Variants in DRD3 observed in about 807,000 individuals in gnomAD.
DRD3 encodes D(3) dopamine receptor.
In DRD3, 19 loss-of-function variants were observed where a neutral mutation model predicts 36.3. The ratio of observed to expected loss-of-function variants is 0.52; its 90% CI spans 0.36 to 0.77. DRD3 has a LOEUF of 0.77. Ranked by LOEUF, DRD3 falls within the 30% of genes least tolerant of loss-of-function variation. DRD3 has a pLI of 0.00. For synonymous variants in DRD3, 195 were observed against 203.7 expected, an observed-to-expected ratio of 0.96 and a Z score of 0.36; for missense variants, 465 against 505.3, an observed-to-expected ratio of 0.92 and a Z score of 0.77.
intron 6 of DRD3, among the ~76,000 whole-genome samples, chr3:114,130,793 T>G (rs1378933573): frequency 6.6e-6 from 1 of 152,204 alleles, no homozygotes; most frequent in Non-Finnish European, 1.5e-5. Context: ...CACTTAATAT[T>G]TTAAATAACT....
intron 2 of DRD3, 84 bp downstream of exon 2, chr3:114,171,639 T>G: frequency 7.0e-7 from 1 of 1,426,714 alleles, no homozygotes; most frequent in South Asian, 1.6e-5. Flanking sequence ...GTCTGGGGAG[T>G]CTTTTGAGCC....
At chr3:114,156,881 C>T (rs1405487271) in intron 3 of DRD3, among the ~76,000 whole-genome samples, 1 of 69,592 alleles carries the variant, frequency 1.4e-5, no homozygotes, top group South Asian at 4.6e-4. Context: ...TTTTCTTTCT[C>T]TTTCTTTTCT....
chr3:114,178,198 C>G (rs2077919473), intron 1 of DRD3, among the ~76,000 whole-genome samples: 1 of 152,150 alleles, frequency 6.6e-6, no homozygotes, highest in Admixed American at 6.6e-5. Context: ...TGGATTCTGA[C>G]TTAGAAACAG....
intron 1 of DRD3, among the ~76,000 whole-genome samples, chr3:114,189,486 A>C (rs1482723561): frequency 2.0e-5 from 3 of 152,310 alleles, no homozygotes; most frequent in Middle Eastern, 3.4e-3. Context: ...TTCCAGCTCC[A>C]ATTGTCCATG....
chr3:114,176,081 C>T (rs1183822808), intron 1 of DRD3: 1 of 152,178 alleles, frequency 6.6e-6, no homozygotes, highest in African/African-American at 2.4e-5. Flanking sequence ...ATTTGTCCTG[C>T]TTTGCTGATG....
intron 2 of DRD3, among the ~76,000 whole-genome samples, chr3:114,169,377 TGG>T (rs2077817554): frequency 1.3e-5 from 2 of 149,434 alleles, no homozygotes; most frequent in African/African-American, 2.5e-5. Context: ...TGAAGCAAAT[TGG>T]TAAGACCAAA....
chr3:114,177,292 T>C (rs2077909241), intron 1 of DRD3, among the ~76,000 whole-genome samples: 1 of 152,194 alleles, frequency 6.6e-6, no homozygotes, highest in Non-Finnish European at 1.5e-5. Flanking sequence ...CTGAAAAAGA[T>C]TCACAAATGG....
At chr3:114,142,825 C>T (rs2077538254) in intron 4 of DRD3, among the ~76,000 whole-genome samples, 1 of 152,230 alleles carries the variant, frequency 6.6e-6, no homozygotes, top group African/African-American at 2.4e-5. Flanking sequence ...ACCTGCATTG[C>T]CATCTCTTCC....
intron 3 of DRD3, among the ~76,000 whole-genome samples, chr3:114,159,520 C>T (rs551210708): frequency 2.8e-4 from 43 of 152,134 alleles, no homozygotes; most frequent in Non-Finnish European, 5.4e-4. Flanking sequence ...CCAGAATCCT[C>T]TTCAGGGAGC....
chr3:114,187,007 C>G lies in DRD3; in HGVS notation c.-155-8231G>C, dbSNP rs958789777. 2.6e-5 allele frequency among the ~76,000 whole-genome samples: 4 copies of G among 152,276 alleles called. No individual in the cohort carries two copies. The South Asian group carries it at 6.2e-4, about 24-fold the overall frequency. On this transcript the variant is annotated intron_variant, in intron 1 of 7. Coordinates refer to the DRD3 transcript ENST00000460779. ...CTGAGAAAGTGAAGATCTAGAGGCT[C>G]AAAAGTTGCCTGGAGACTCTAGACT... is the stretch of plus-strand genomic sequence containing the variant.
chr3:114,175,050 T>C lies in DRD3; in HGVS notation c.-35-3023A>G, dbSNP rs559531359. On this transcript the variant is annotated intron_variant, in intron 1 of 6. Coordinates refer to ENST00000383673, the MANE Select transcript of DRD3 (RefSeq NM_000796.6). ...CTGACAATTTGGGCTGAATAATTCTTTGTTGAGGAGGTTGTCCTGTGCATT... is the reference window on the plus strand; with the variant it reads ...CTGACAATTTGGGCTGAATAATTCTCTGTTGAGGAGGTTGTCCTGTGCATT... Among the ~76,000 whole-genome samples the C allele has an allele frequency of 9.1e-4, 138 of 152,298 alleles. 4 individuals carry two copies. The South Asian group carries it at 0.028, about 31-fold the overall frequency.
upstream of DRD3, among the ~76,000 whole-genome samples, chr3:114,182,204 C>T (rs914070685): frequency 1.3e-5 from 2 of 152,132 alleles, no homozygotes; most frequent in Non-Finnish European, 2.9e-5. Flanking sequence ...AACCTTAGCC[C>T]CTGTTCCTCT....
intron 2 of DRD3, 130 bp downstream of exon 2, chr3:114,171,593 G>A: frequency 1.7e-6 from 2 of 1,193,920 alleles, no homozygotes; most frequent in East Asian, 2.7e-5. Flanking sequence ...ATTACAGGGA[G>A]AATGAGAGCT....
chr3:114,172,505 G>A (rs1161051213), intron 1 of DRD3, among the ~76,000 whole-genome samples: 1 of 152,202 alleles, frequency 6.6e-6, no homozygotes, highest in Non-Finnish European at 1.5e-5. Context: ...GCACATAGAA[G>A]TCATAGGAGG....
intron 6 of DRD3, among the ~76,000 whole-genome samples, chr3:114,130,666 G>T (rs929427097): frequency 6.6e-6 from 1 of 152,046 alleles, no homozygotes; most frequent in Admixed American, 6.5e-5. Flanking sequence ...CTCGTGATCT[G>T]CCCACCTCGG....
intron 3 of DRD3, among the ~76,000 whole-genome samples, chr3:114,154,961 G>T (rs1053010392): frequency 2.0e-5 from 3 of 152,176 alleles, no homozygotes; most frequent in African/African-American, 7.2e-5. Context: ...TTTTAAAAAC[G>T]AAATGGCAGC....
chr3:114,190,310 G>T (rs886532114), intron 1 of DRD3, among the ~76,000 whole-genome samples: 1 of 149,698 alleles, frequency 6.7e-6, no homozygotes. Flanking sequence ...CTGGCTGGCT[G>T]CCCACTGGGC....
upstream of DRD3, among the ~76,000 whole-genome samples, chr3:114,179,239 CA>C (rs1219103747): frequency 6.6e-6 from 1 of 152,082 alleles, no homozygotes; most frequent in African/African-American, 2.4e-5. Flanking sequence ...AACAGATCAT[CA>C]AATTGATACC....
intron 3 of DRD3, among the ~76,000 whole-genome samples, chr3:114,148,858 G>A (rs755038973): frequency 1.3e-5 from 2 of 152,064 alleles, no homozygotes; most frequent in African/African-American, 2.4e-5. Context: ...GACTACAGGC[G>A]CCTGCCAACA....
Sources: gnomAD v4.1 joint callset for allele counts (sites outside exome capture counted in the v4.1 genomes callset) on GRCh38, gnomAD v4.1.1 for gene constraint, MANE v1.5 for transcripts, NCBI Gene and HGNC (gene_info 2026-07-23, HGNC 2026-07-21) for gene names.